The following BRSK1 variants were observed in gnomAD, a reference collection of about 807,000 sequenced individuals.
BRSK1 encodes the protein serine/threonine-protein kinase BRSK1.
Under a neutral mutation model 86.2 loss-of-function variants are expected in BRSK1, and 17 were observed. That is an observed-to-expected ratio of 0.20 (90% CI 0.14 to 0.30). The LOEUF (loss-of-function observed/expected upper bound fraction) is 0.30, where lower values mean the gene tolerates loss of function less well. Among genes scored for constraint, BRSK1 ranks in the 10% least tolerant of loss-of-function variants. The pLI is 1.00. For synonymous variants in BRSK1, 464 were observed against 440.1 expected (o/e 1.05, Z -0.68); for missense variants, 719 against 1,071.9 (o/e 0.67, Z 4.60).
rs1568976773 is a variant in BRSK1 at position 55,284,245 on chromosome 19, C to T, written c.-198C>T. The T allele has an allele frequency of 6.4e-6, 3 of 466,350 alleles. No individual in the cohort carries two copies. Among genetic ancestry groups the T allele is most frequent in the Non-Finnish European group, 1.0e-5 (3 of 293,850 alleles). The allele number at this position is 466,350 out of a possible 1,614,324, so 28.9% of individuals were successfully genotyped here. Reference sequence around the variant, plus strand: ...ATGCTGACTCCCGGGGCCTGACCCCCCCGGGCCAGCCCCCCCTCCCCCAGC... The same window carrying T: ...ATGCTGACTCCCGGGGCCTGACCCCTCCGGGCCAGCCCCCCCTCCCCCAGC... On this transcript the variant is annotated 5_prime_UTR_variant, in exon 1 of 19. Coordinates refer to ENST00000309383, the MANE Select transcript of BRSK1 (RefSeq NM_032430.2).
rs529045789 is a variant in BRSK1 at position 55,291,326 on chromosome 19, C to T, written c.458+1706C>T. ...GGCCAAGGCGGGCAGATCACCTGAG[C>T]TCAGGAGTTCGAGACCAGCCTGGGC... On this transcript the variant is annotated intron_variant, in intron 4 of 18. Coordinates refer to ENST00000309383, the MANE Select transcript of BRSK1 (RefSeq NM_032430.2). Among the ~76,000 whole-genome samples, 6 of 151,994 alleles carry T rather than the reference C, an allele frequency of 3.9e-5. No individual in the cohort carries two copies. The South Asian group carries it at 1.2e-3, about 32-fold the overall frequency.
rs752945445 is a variant in BRSK1 at position 55,302,795 on chromosome 19, T to A, written c.956T>A (p.Val319Asp). ...LPSNGELDPDVLESMASLGCF... is the reference protein window; with the variant it reads ...LPSNGELDPDDLESMASLGCF... ...TCCAACGGAGAGCTGGACCCCGACGTCCTAGAGAGCATGGCATCACTGGGC... is the reference window on the plus strand; with the variant it reads ...TCCAACGGAGAGCTGGACCCCGACGACCTAGAGAGCATGGCATCACTGGGC... Residue 319 changes from valine (V) to aspartate (D), a missense_variant, in exon 10 of 19, where the codon GTC becomes GAC. Coordinates refer to ENST00000309383, the MANE Select transcript of BRSK1 (RefSeq NM_032430.2). This position sits in a 1 kb window ranked among gnomAD's most constrained non-coding sequence, Gnocchi z 6.3. The A allele has an allele frequency of 6.2e-7, 1 of 1,613,766 alleles. No individual in the cohort carries two copies. Among genetic ancestry groups the A allele is most frequent in the Non-Finnish European group, 8.5e-7 (1 of 1,179,934 alleles).
At position 55,306,575 on chromosome 19, in the gene BRSK1, CTG is replaced by C; in HGVS notation, c.2089+128_2089+129del. The C allele has an allele frequency of 3.7e-6, 4 of 1,086,056 alleles. No homozygotes were observed. In the East Asian group the frequency reaches 1.0e-4, roughly 28 times the overall value. The allele number at this position is 1,086,056 out of a possible 1,614,324, so 67.3% of individuals were successfully genotyped here. Reference sequence around the variant, plus strand: ...ATGGTGTTCAGCTGGTGCCGACTCTCTGTGCTCCTCCTGCCCACACAGACCGC... The same window carrying C: ...ATGGTGTTCAGCTGGTGCCGACTCTCTGCTCCTCCTGCCCACACAGACCGC... On this transcript the variant is annotated intron_variant, in intron 17 of 18. Coordinates refer to ENST00000309383, the MANE Select transcript of BRSK1 (RefSeq NM_032430.2). This position sits in a 1 kb window ranked among gnomAD's most constrained non-coding sequence, Gnocchi z 4.7.
At position 55,302,802 on chromosome 19, in the gene BRSK1, G is replaced by A. The variant is rs2088591538; in HGVS notation, c.963G>A (p.Glu321=). 1.9e-6 allele frequency: 3 copies of A among 1,613,898 alleles called. No homozygotes were observed. The East Asian group carries it at 6.7e-5, about 36-fold the overall frequency. ...GAGAGCTGGACCCCGACGTCCTAGA[G>A]AGCATGGCATCACTGGGCTGCTTCA... ...SNGELDPDVL[E]SMASLGCFRD... Residue 321 remains glutamate, a synonymous_variant, in exon 10 of 19, where the codon GAG becomes GAA. Transcript: ENST00000309383. The surrounding 1 kb of genome is among the most constrained non-coding windows in gnomAD (Gnocchi z 6.3).
At chr19:55,300,518 C>T (rs562432911) in intron 7 of BRSK1, among the ~76,000 whole-genome samples, 13 of 152,182 alleles carry the variant, frequency 8.5e-5, no homozygotes, top group African/African-American at 2.2e-4. Flanking sequence ...GCCTGGCCAA[C>T]GTGGTGAAAC....
At chr19:55,300,641 C>G (rs1037613668) in intron 7 of BRSK1, among the ~76,000 whole-genome samples, 6 of 152,126 alleles carry the variant, frequency 3.9e-5, no homozygotes, top group Non-Finnish European at 7.3e-5. Context: ...GCATTTGAGA[C>G]CAGCCTGGCC....
intron 1 of BRSK1, among the ~76,000 whole-genome samples, chr19:55,284,995 G>T (rs1436577843): frequency 2.6e-5 from 4 of 151,746 alleles, no homozygotes; most frequent in Non-Finnish European, 5.9e-5. Context: ...GAAGGAGAAG[G>T]GCTTGGGGGC....
In BRSK1 at chr19:55,303,138, G is replaced by C; in HGVS notation, c.1029-173G>C. ...TAGGTGTTACAGTGTTATTATAATTGAGTGAAACACAGCTGAGATGTACCC... is the reference window on the plus strand; with the variant it reads ...TAGGTGTTACAGTGTTATTATAATTCAGTGAAACACAGCTGAGATGTACCC... On this transcript the variant is annotated intron_variant, in intron 10 of 18. Transcript: ENST00000309383. This position sits in a 1 kb window ranked among gnomAD's most constrained non-coding sequence, Gnocchi z 5.1. 1.6e-6 allele frequency: 1 copy of C among 643,724 alleles called. No individual in the cohort carries two copies. The highest frequency in any genetic ancestry group is 2.7e-5 in the East Asian group (1 of 36,604). 39.9% of individuals were successfully genotyped at this position (643,724 alleles called of 1,614,324 possible). A position where few individuals can be genotyped will look rare whatever the true frequency, so the allele number is the denominator to read the frequency against.
chr19:55,307,454 C>G (rs1038894862), intron 17 of BRSK1, among the ~76,000 whole-genome samples: 2 of 146,260 alleles, frequency 1.4e-5, no homozygotes, highest in African/African-American at 5.1e-5. Flanking sequence ...GAGGCTGAGG[C>G]AGGAGAATCG....
chr19:55,299,212 G>A (rs2088534184), intron 7 of BRSK1, among the ~76,000 whole-genome samples: 1 of 152,168 alleles, frequency 6.6e-6, no homozygotes, highest in Admixed American at 6.6e-5. Flanking sequence ...GTAATGACTG[G>A]TTGACAAAAA....
At chr19:55,292,384 T>A (rs959481616) in intron 4 of BRSK1, among the ~76,000 whole-genome samples, 2 of 152,214 alleles carry the variant, frequency 1.3e-5, no homozygotes, top group African/African-American at 4.8e-5. Context: ...ATCTGGGATG[T>A]CCTACAAACT....
In BRSK1 at chr19:55,312,148, C is replaced by G. The variant is rs534470101; in HGVS notation, c.*80C>G. ...CAACTGTGAATCTGTAAATAAGGCC[C>G]AAGGAACATGTCGGGAGGGGGGTGG... On this transcript the variant is annotated 3_prime_UTR_variant, in exon 19 of 19. Transcript: ENST00000309383. The G allele has an allele frequency of 9.9e-5, 64 of 643,982 alleles. No homozygotes were observed. In the African/African-American group the frequency reaches 1.1e-3, roughly 11 times the overall value. The allele number at this position is 643,982 out of a possible 1,614,324, so 39.9% of individuals were successfully genotyped here.
At chr19:55,288,776 G>A (rs2088361701) in intron 3 of BRSK1, among the ~76,000 whole-genome samples, 1 of 151,932 alleles carries the variant, frequency 6.6e-6, no homozygotes, top group African/African-American at 2.4e-5. Context: ...GTAGAGACGG[G>A]GTTTCACCAT....
Position 55,304,862 on chromosome 19 carries a change from C to G in BRSK1, c.1659C>G (p.Leu553=), listed in dbSNP as rs756541679. 1.2e-6 allele frequency: 2 copies of G among 1,609,652 alleles called. No homozygotes were observed. Among genetic ancestry groups the G allele is most frequent in the Admixed American group, 3.3e-5 (2 of 59,958 alleles). Residue 553 remains leucine (L), a synonymous_variant, in exon 14 of 19, where the codon CTC becomes CTG. Transcript: ENST00000309383. This position sits in a 1 kb window ranked among gnomAD's most constrained non-coding sequence, Gnocchi z 5.2. ...GGGGAGCCGCCTGGAGGAGTCGTCT[C>G]AACTCCATCCGCAACAGCTTCCTGG... ...GVGGAAWRSR[L]NSIRNSFLGS...
At chr19:55,298,421 C>T (rs2088522689) in intron 7 of BRSK1, among the ~76,000 whole-genome samples, 1 of 152,082 alleles carries the variant, frequency 6.6e-6, no homozygotes, top group Admixed American at 6.6e-5. Flanking sequence ...ATCTGCCCAC[C>T]TCAGCCTTCC....
At chr19:55,308,023 GGT>G (rs1491567078) in intron 17 of BRSK1, among the ~76,000 whole-genome samples, 2 of 141,004 alleles carry the variant, frequency 1.4e-5, no homozygotes, top group African/African-American at 5.9e-5. Flanking sequence ...GTTGTTGTTT[GGT>G]TTTTTTTTTT....
chr19:55,302,492 C>A lies in BRSK1; in HGVS notation c.858-205C>A. The A allele has an allele frequency of 1.5e-6, 1 of 679,194 alleles. No individual in the cohort carries two copies. Among genetic ancestry groups the A allele is most frequent in the South Asian group, 2.0e-5 (1 of 50,338 alleles). The allele number at this position is 679,194 out of a possible 1,614,324, so 42.1% of individuals were successfully genotyped here. A position where few individuals can be genotyped will look rare whatever the true frequency, so the allele number is the denominator to read the frequency against. On this transcript the variant is annotated intron_variant, in intron 9 of 18. Transcript: ENST00000309383. The surrounding 1 kb of genome is among the most constrained non-coding windows in gnomAD (Gnocchi z 6.3). ...AAGGAGGGGCCGGGGGCCTGGACCC[C>A]TCGGTCGGAGGGAAAAGGGGCTGGA...
chr19:55,309,755 G>A (rs2088739861), intron 18 of BRSK1, among the ~76,000 whole-genome samples: 1 of 152,220 alleles, frequency 6.6e-6, no homozygotes, highest in Non-Finnish European at 1.5e-5. Context: ...GAGAGCATAA[G>A]GGGCACTCGC....
At chr19:55,286,743 G>A (rs1004066394) in intron 1 of BRSK1, among the ~76,000 whole-genome samples, 1 of 151,834 alleles carries the variant, frequency 6.6e-6, no homozygotes, top group Non-Finnish European at 1.5e-5. Context: ...CGGAGAGGGT[G>A]AGGGCCAGGG....
Sources: gnomAD v4.1 joint callset for allele counts (sites outside exome capture counted in the v4.1 genomes callset) on GRCh38, gnomAD v4.1.1 for gene constraint, Gnocchi (gnomAD v3.1) non-coding constraint, MANE v1.5 for transcripts, NCBI Gene and HGNC (gene_info 2026-07-23, HGNC 2026-07-21) for gene names.